JMJD1C: variants seen among roughly 807,000 people sequenced by gnomAD.
The protein encoded by JMJD1C is jumonji domain containing 1C.
In JMJD1C, 31 loss-of-function variants were observed where a neutral mutation model predicts 245.3. The observed-to-expected ratio is 0.13, with a 90% CI of 0.09 to 0.17. The LOEUF (loss-of-function observed/expected upper bound fraction) is 0.17, where lower values mean the gene tolerates loss of function less well. Ranked by LOEUF, JMJD1C falls within the 10% of genes least tolerant of loss-of-function variation. The pLI, the probability that JMJD1C is intolerant of heterozygous loss-of-function variation, is 1.00. For synonymous variants in JMJD1C, 1,057 were observed against 1,017.4 expected (o/e 1.04, Z -0.74); for missense variants, 2,691 against 3,000.2 (o/e 0.90, Z 2.41).
intron 1 of JMJD1C, among the ~76,000 whole-genome samples, chr10:63,442,974 G>A (rs1951479721): frequency 6.6e-6 from 1 of 152,106 alleles, no homozygotes; most frequent in Non-Finnish European, 1.5e-5. Flanking sequence ...AGACTCCACA[G>A]ATTTAAGTCT....
At chr10:63,360,917 T>C (rs2134357635) in intron 2 of JMJD1C, among the ~76,000 whole-genome samples, 1 of 152,278 alleles carries the variant, frequency 6.6e-6, no homozygotes, top group African/African-American at 2.4e-5. Flanking sequence ...CCCAGGTAGC[T>C]GGGATTACAT....
intron 22 of JMJD1C, among the ~76,000 whole-genome samples, chr10:63,179,409 CAA>C (rs978116946): frequency 8.9e-6 from 1 of 112,772 alleles, no homozygotes; most frequent in African/African-American, 3.4e-5. Flanking sequence ...AACTCCATCT[CAA>C]AAAAAAAAAG....
intron 1 of JMJD1C, among the ~76,000 whole-genome samples, chr10:63,394,308 T>C (rs538503161): frequency 2.6e-5 from 4 of 152,080 alleles, no homozygotes; most frequent in Non-Finnish European, 4.4e-5. Flanking sequence ...TGAATTTTTT[T>C]AAAAAATGTG....
chr10:63,366,258 CCT>C (rs746563299), intron 2 of JMJD1C, among the ~76,000 whole-genome samples: 6 of 152,062 alleles, frequency 3.9e-5, no homozygotes, highest in Non-Finnish European at 7.4e-5. Flanking sequence ...GCTGAGATTC[CCT>C]GTTTGACAAT....
At position 63,278,345 on chromosome 10, in the gene JMJD1C, G is replaced by GAATAATAATAAT. The variant is rs59676296; in HGVS notation, c.334-13593_334-13582dup. ...TACTAAAAATACAACAATTAAAAGA[G>GAATAATAATAAT]AATAATAATAATAATAATAATAATA... is the stretch of plus-strand genomic sequence containing the variant. On this transcript the variant is annotated intron_variant, in intron 2 of 25. Transcript: ENST00000399262. Among the ~76,000 whole-genome samples, 1,071 of 142,942 alleles carry GAATAATAATAAT rather than the reference G, an allele frequency of 7.5e-3. 13 individuals are homozygous for GAATAATAATAAT. The highest frequency in any genetic ancestry group is 0.029 in the Middle Eastern group (8 of 280). 93.8% of individuals were successfully genotyped at this position (142,942 alleles called of 152,430 possible).
intron 1 of JMJD1C, 68 bp from the exon 2 acceptor site, chr10:63,380,550 C>T: frequency 8.3e-7 from 1 of 1,210,962 alleles, no homozygotes; most frequent in Non-Finnish European, 1.2e-6. Context: ...TTTACTAATG[C>T]ATAATAATTG....
chr10:63,472,316 C>G (rs1404277230), intron 1 of JMJD1C, among the ~76,000 whole-genome samples: 1 of 151,978 alleles, frequency 6.6e-6, no homozygotes, highest in Non-Finnish European at 1.5e-5. Context: ...CTTTCCCCCA[C>G]TTGCAATTTC....
chr10:63,231,531 T>C (rs562934020), intron 3 of JMJD1C, among the ~76,000 whole-genome samples: 157 of 152,240 alleles, frequency 1.0e-3, no homozygotes, highest in African/African-American at 3.6e-3. Flanking sequence ...CAGTGGCTCA[T>C]GCCTGTAATT....
chr10:63,457,929 T>C (rs1231997299), intron 1 of JMJD1C, among the ~76,000 whole-genome samples: 7 of 152,214 alleles, frequency 4.6e-5, no homozygotes, highest in African/African-American at 1.7e-4. Flanking sequence ...TGAGCTGCTG[T>C]TTTTCTACTT....
At chr10:63,364,776 C>T (rs187442029) in intron 2 of JMJD1C, among the ~76,000 whole-genome samples, 81 of 152,278 alleles carry the variant, frequency 5.3e-4, no homozygotes, top group African/African-American at 1.8e-3. Context: ...CCACCTCACA[C>T]GTGGCCGAGC....
intron 1 of JMJD1C, among the ~76,000 whole-genome samples, chr10:63,480,964 G>A (rs568170858): frequency 6.6e-6 from 1 of 152,300 alleles, no homozygotes; most frequent in South Asian, 2.1e-4. Flanking sequence ...GAGAAATTAT[G>A]TTTAACATAA....
At position 63,215,270 on chromosome 10, in the gene JMJD1C, T is replaced by A. The variant is rs377508666; in HGVS notation, c.1008A>T (p.Ser336=). ...AAAAAAAGTGGGTCCTACCTCCTCG[T>A]GATATATAATCATATTTTTCCTCCT... is the stretch of plus-strand genomic sequence containing the variant. The part of the protein sequence containing the change: ...KMKEEKYDYI[S]RGENPKGKNK... The change falls in exon 7 of 26, where the codon TCA becomes TCT. Residue 336 remains serine, a synonymous_variant. Coordinates refer to ENST00000399262, the MANE Select transcript of JMJD1C (RefSeq NM_032776.3). 1.5e-5 allele frequency: 24 copies of A among 1,612,756 alleles called. No individual in the cohort carries two copies. In the African/African-American group the frequency reaches 2.8e-4, roughly 19 times the overall value.
At chr10:63,499,032 T>C (rs1954451025) in intron 1 of JMJD1C, among the ~76,000 whole-genome samples, 1 of 152,218 alleles carries the variant, frequency 6.6e-6, no homozygotes, top group Admixed American at 6.5e-5. Flanking sequence ...AGTTCATCCA[T>C]GTTGTCATAC....
chr10:63,200,666 G>A lies in JMJD1C; in HGVS notation c.5086C>T (p.Arg1696Cys), dbSNP rs370008380. Residue 1696 changes from arginine to cysteine, a missense_variant, in exon 11 of 26, where the codon CGT becomes TGT. Coordinates refer to ENST00000399262, the MANE Select transcript of JMJD1C (RefSeq NM_032776.3). ...TTACGCCAATCTTTCAATACTGAAC[G>A]AGGAATGCCAGCTGTAAAATCAGTA... ...LQSNSNTGIP[R>C]SVLKDWRKVK... 8 of 1,613,672 alleles carry A rather than the reference G, an allele frequency of 5.0e-6. No individual in the cohort carries two copies. The highest frequency in any genetic ancestry group is 1.7e-5 in the Admixed American group (1 of 59,992).
At chr10:63,225,636 G>C (rs1189767768) in intron 3 of JMJD1C, among the ~76,000 whole-genome samples, 10 of 152,186 alleles carry the variant, frequency 6.6e-5, no homozygotes, top group African/African-American at 2.4e-4. Context: ...AAATTAGCCA[G>C]GTGTAGTGAC....
intron 2 of JMJD1C, among the ~76,000 whole-genome samples, chr10:63,347,576 T>C (rs1589544046): frequency 1.6e-5 from 2 of 125,004 alleles, no homozygotes; most frequent in South Asian, 2.5e-4. Context: ...AGAGCGAGAG[T>C]CCATCTCAAA....
At chr10:63,427,483 TC>T in intron 1 of JMJD1C, 1 of 1,245,632 alleles carries the variant, frequency 8.0e-7, no homozygotes. Context: ...CAACAGGATG[TC>T]CCACTGGGCC....
chr10:63,296,682 A>G (rs1859467995), intron 2 of JMJD1C, among the ~76,000 whole-genome samples: 3 of 152,220 alleles, frequency 2.0e-5, no homozygotes, highest in Non-Finnish European at 4.4e-5. Context: ...TGGTCAAGGA[A>G]GTGCCATTTT....
At chr10:63,521,645 C>A in intron 1 of JMJD1C, 1 of 1,217,406 alleles carries the variant, frequency 8.2e-7, no homozygotes, top group Non-Finnish European at 1.1e-6. Flanking sequence ...GGGGAAGGAG[C>A]CGAGAGGAAA....
Sources: gnomAD v4.1 joint callset for allele counts (sites outside exome capture counted in the v4.1 genomes callset) on GRCh38, gnomAD v4.1.1 for gene constraint, MANE v1.5 for transcripts, NCBI Gene and HGNC (gene_info 2026-07-23, HGNC 2026-07-21) for gene names.